DHX38: variants seen among roughly 807,000 people sequenced by gnomAD.
DHX38 encodes the protein pre-mRNA-splicing factor ATP-dependent RNA helicase PRP16.
DHX38 carries 100 observed loss-of-function variants against 153.1 expected under a neutral mutation model. The observed-to-expected ratio is 0.65, with a 90% CI of 0.56 to 0.77. The LOEUF is 0.77. Ranked by LOEUF, DHX38 falls within the 30% of genes least tolerant of loss-of-function variation. The probability of loss-of-function intolerance (pLI) is 0.00; values close to 1 mark genes in which losing one functional copy is unlikely to be tolerated. For synonymous variants in DHX38, 650 were observed against 631.7 expected (o/e 1.03, Z -0.43); for missense variants, 1,440 against 1,654.0 (o/e 0.87, Z 2.24).
chr16:72,101,631 C>A lies in DHX38; in HGVS notation c.1499+19C>A. ...ACTACAGGTGGGCAGCCTCAGCCAG[C>A]AGCACATCAGCCTTGCTCCAAAGAT... On this transcript the variant is annotated intron_variant, in intron 11 of 26. Coordinates refer to ENST00000268482, the MANE Select transcript of DHX38 (RefSeq NM_014003.4). 1 of 1,544,986 alleles carries A rather than the reference C, an allele frequency of 6.5e-7. No homozygotes were observed. Among genetic ancestry groups the A allele is most frequent in the Non-Finnish European group, 8.8e-7 (1 of 1,141,496 alleles).
At chr16:72,103,440 TATCTC>T (rs1427767674) in intron 12 of DHX38, among the ~76,000 whole-genome samples, 157 bp from the exon 13 acceptor site, 1 of 152,250 alleles carries the variant, frequency 6.6e-6, no homozygotes, top group Non-Finnish European at 1.5e-5. Flanking sequence ...TTTCAGGTGT[TATCTC>T]AGTAAGAGGC....
chr16:72,104,397 G>A lies in DHX38; in HGVS notation c.2011-89G>A. ...TAGGCCCATTTGTCAGCTTTGGCTT[G>A]TGTTTCCTCGGGGGTGGTGCTGATG... On this transcript the variant is annotated intron_variant, in intron 14 of 26. Coordinates refer to ENST00000268482, the MANE Select transcript of DHX38 (RefSeq NM_014003.4). The surrounding 1 kb of genome is among the most constrained non-coding windows in gnomAD (Gnocchi z 4.5). 2 of 1,549,160 alleles carry A rather than the reference G, an allele frequency of 1.3e-6. No individual in the cohort carries two copies. The highest frequency in any genetic ancestry group is 1.8e-5 in the Admixed American group (1 of 54,236).
chr16:72,109,655 C>A, intron 25 of DHX38, 145 bp downstream of exon 25: 1 of 706,338 alleles, frequency 1.4e-6, no homozygotes, highest in Non-Finnish European at 2.1e-6. Flanking sequence ...CTGGGTCTGT[C>A]TGATTCCCCA....
Position 72,096,835 on chromosome 16 carries a change from G to A in DHX38, c.337G>A (p.Ala113Thr), listed in dbSNP as rs775810927. Residue 113 changes from alanine (A) to threonine (T), a missense_variant, in exon 3 of 27, where the codon GCT (alanine) becomes ACT (threonine). By Grantham distance (58) the Ala-to-Thr change is moderately conservative. Around this residue, in one of 6 missense-constraint regions of DHX38, gnomAD observed 483 missense variants for 465.1 expected, o/e 1.04. Transcript: ENST00000268482. ...NIRKDRHYRS[A>T]RVETPSHPGG... ...TCCCTGTTTCAGACATTATCGGTCT[G>A]CTCGGGTAGAGACTCCATCCCATCC... 1.2e-6 allele frequency: 2 copies of A among 1,613,372 alleles called. No individual in the cohort carries two copies. Among genetic ancestry groups the A allele is most frequent in the Non-Finnish European group, 1.7e-6 (2 of 1,179,696 alleles).
In DHX38 at chr16:72,112,745, G is replaced by T; in HGVS notation, c.*248G>T. Reference sequence around the variant, plus strand: ...GGTGCTGCCGGGGCAGCGGGAGGTGGCTGGACCCATCGCATCTAAAACTGG... The same window carrying T: ...GGTGCTGCCGGGGCAGCGGGAGGTGTCTGGACCCATCGCATCTAAAACTGG... On this transcript the variant is annotated 3_prime_UTR_variant, in exon 27 of 27. Transcript: ENST00000268482. 1.4e-6 allele frequency: 1 copy of T among 703,686 alleles called. No individual in the cohort carries two copies. Among genetic ancestry groups the T allele is most frequent in the Non-Finnish European group, 2.6e-6 (1 of 385,748 alleles). 43.6% of individuals were successfully genotyped at this position (703,686 alleles called of 1,614,324 possible). A position where few individuals can be genotyped will look rare whatever the true frequency, so the allele number is the denominator to read the frequency against.
intron 2 of DHX38, 51 bp downstream of exon 2, chr16:72,096,531 A>G: frequency 6.6e-7 from 1 of 1,517,714 alleles, no homozygotes; most frequent in Non-Finnish European, 8.8e-7. Context: ...GGAGGCTGGA[A>G]AATAACAGCT....
intron 26 of DHX38, 57 bp from the exon 27 acceptor site, chr16:72,112,356 C>T: frequency 6.4e-7 from 1 of 1,557,438 alleles, no homozygotes; most frequent in Non-Finnish European, 8.8e-7. Context: ...ATCCTCCTGC[C>T]CTCCTGGCTG....
At position 72,107,328 on chromosome 16, in the gene DHX38, T is replaced by G; in HGVS notation, c.2601-12T>G. On this transcript the variant is annotated splice_polypyrimidine_tract_variant and intron_variant, in intron 19 of 26. Transcript: ENST00000268482. This position sits in a 1 kb window ranked among gnomAD's most constrained non-coding sequence, Gnocchi z 5.3. ...TCCTTGTGGTGAGAAGATGGGGTCTTCTCCCCGGCAGGCTCTACACCCAGA... is the reference window on the plus strand; with the variant it reads ...TCCTTGTGGTGAGAAGATGGGGTCTGCTCCCCGGCAGGCTCTACACCCAGA... 2 of 1,599,382 alleles carry G rather than the reference T, an allele frequency of 1.3e-6. No individual in the cohort carries two copies. The highest frequency in any genetic ancestry group is 1.7e-6 in the Non-Finnish European group (2 of 1,176,834).
At position 72,105,305 on chromosome 16, in the gene DHX38, A is replaced by G; in HGVS notation, c.2336A>G (p.Tyr779Cys). Residue 779 changes from tyrosine (Y) to cysteine (C), a missense_variant, in exon 17 of 27, where the codon TAC becomes TGC. Tyr to Cys is a radical substitution (Grantham distance 194, BLOSUM62 -2). Around this residue, in one of 6 missense-constraint regions of DHX38, gnomAD observed 543 missense variants for 717.9 expected, o/e 0.76. Transcript: ENST00000268482. ...NAPALAVLPI[Y>C]SQLPSDLQAK... ...CCTGCCCTGGCTGTGCTGCCCATCT[A>G]CTCTCAGCTGCCTTCTGACCTCCAG... The G allele has an allele frequency of 6.2e-7, 1 of 1,613,742 alleles. No individual in the cohort carries two copies. The highest frequency in any genetic ancestry group is 8.5e-7 in the Non-Finnish European group (1 of 1,179,940).
intron 3 of DHX38, chr16:72,097,272 T>G: frequency 4.8e-6 from 2 of 420,438 alleles, no homozygotes; most frequent in Non-Finnish European, 8.5e-6. Flanking sequence ...TGGGTAAATA[T>G]GTATAAGAGA....
chr16:72,103,956 C>G lies in DHX38; in HGVS notation c.1835C>G (p.Ala612Gly). Reference protein sequence around the residue: ...GGNLGEEVGYAIRFEDCTSEN... With the variant: ...GGNLGEEVGYGIRFEDCTSEN... ...CTCTCTGACCTCCAGGTGGGCTATG[C>G]CATCCGCTTTGAAGACTGCACTTCA... The change falls in exon 14 of 27, where the codon GCC becomes GGC. Residue 612 changes from alanine to glycine, a missense_variant. This residue lies in a region of DHX38 where 241 missense variants were observed against 229.5 expected (regional missense o/e 1.05). Transcript: ENST00000268482. 1 of 1,614,014 alleles carries G rather than the reference C, an allele frequency of 6.2e-7. No individual in the cohort carries two copies. The highest frequency in any genetic ancestry group is 1.1e-5 in the South Asian group (1 of 91,074).
At position 72,105,081 on chromosome 16, in the gene DHX38, CT is replaced by C; in HGVS notation, c.2207del (p.Leu736ArgfsTer20). 2 of 1,614,228 alleles carry C rather than the reference CT, an allele frequency of 1.2e-6. No individual in the cohort carries two copies. Among genetic ancestry groups the C allele is most frequent in the African/African-American group, 2.7e-5 (2 of 75,052 alleles). Reference protein sequence around the residue: ...AAVKQSLQVHLSGAPGDILIF... With the variant: ...AAVKQSLQVHXSGAPGDILIF... ...AGTGAAGCAGTCCTTGCAGGTGCACCTGTCGGGGGCCCCTGGAGACATCCTT... is the reference window on the plus strand; with the variant it reads ...AGTGAAGCAGTCCTTGCAGGTGCACCGTCGGGGGCCCCTGGAGACATCCTT... On this transcript the variant is annotated frameshift_variant, in exon 16 of 27. Coordinates refer to ENST00000268482, the MANE Select transcript of DHX38 (RefSeq NM_014003.4). LOFTEE classifies it high-confidence loss of function.
chr16:72,104,966 G>T lies in DHX38; in HGVS notation c.2152-61G>T. Reference sequence around the variant, plus strand: ...CAGTGCCTGGGCCACTGGGCTCCCAGGAGATGCCCGGCCTGCGCTTCTAGT... The same window carrying T: ...CAGTGCCTGGGCCACTGGGCTCCCATGAGATGCCCGGCCTGCGCTTCTAGT... On this transcript the variant is annotated intron_variant, in intron 15 of 26. Transcript: ENST00000268482. The surrounding 1 kb of genome is among the most constrained non-coding windows in gnomAD (Gnocchi z 4.5). 1 of 1,522,494 alleles carries T rather than the reference G, an allele frequency of 6.6e-7. No homozygotes were observed. 94.3% of individuals were successfully genotyped at this position (1,522,494 alleles called of 1,614,324 possible).
chr16:72,100,678 C>T, intron 9 of DHX38, 81 bp downstream of exon 9: 1 of 1,558,166 alleles, frequency 6.4e-7, no homozygotes, highest in Non-Finnish European at 8.7e-7. Context: ...TGCCTGTCAT[C>T]CCGGCACTTT....
intron 7 of DHX38, 30 bp from the exon 8 acceptor site, chr16:72,099,702 C>T: frequency 6.2e-7 from 1 of 1,612,572 alleles, no homozygotes; most frequent in Non-Finnish European, 8.5e-7. Context: ...ATCTGTCCCT[C>T]ACTCCCTTGC....
intron 11 of DHX38, 37 bp from the exon 12 acceptor site, chr16:72,103,037 C>T: frequency 1.2e-6 from 2 of 1,608,372 alleles, no homozygotes; most frequent in Non-Finnish European, 1.7e-6. Context: ...CAGCATGGGG[C>T]ACCATGCAGG....
At position 72,099,225 on chromosome 16, in the gene DHX38, A is replaced by G. The variant is rs553701925; in HGVS notation, c.905A>G (p.Glu302Gly). The change falls in exon 7 of 27, where the codon GAA becomes GGA. Residue 302 changes from glutamate to glycine, a missense_variant. By Grantham distance (98) the Glu-to-Gly change is moderately conservative. Around this residue, in one of 6 missense-constraint regions of DHX38, gnomAD observed 483 missense variants for 465.1 expected, o/e 1.04. Transcript: ENST00000268482. Reference protein sequence around the residue: ...RGRGRREEGEEGISFDTEEER... With the variant: ...RGRGRREEGEGGISFDTEEER... ...CCAGGAAGACGTGAGGAGGGCGAAG[A>G]AGGAATTTCATTTGACACGGAGGAG... The G allele has an allele frequency of 3.7e-6, 6 of 1,612,592 alleles. No individual in the cohort carries two copies. Among genetic ancestry groups the G allele is most frequent in the Admixed American group, 3.3e-5 (2 of 59,912 alleles).
At chr16:72,106,976 A>T (rs376753549) in intron 19 of DHX38, among the ~76,000 whole-genome samples, 2 of 152,100 alleles carry the variant, frequency 1.3e-5, no homozygotes, top group African/African-American at 4.8e-5. Flanking sequence ...TGAGACCACC[A>T]TGGCCAATAT....
In DHX38 at chr16:72,096,326, C is replaced by T. The variant is rs537729839; in HGVS notation, c.169C>T (p.Leu57=). 16 of 1,614,180 alleles carry T rather than the reference C, an allele frequency of 9.9e-6. No homozygotes were observed. In the African/African-American group the frequency reaches 1.2e-4, roughly 12 times the overall value. Residue 57 remains leucine (L), a synonymous_variant, in exon 2 of 27, where the codon CTG becomes TTG. Coordinates refer to ENST00000268482, the MANE Select transcript of DHX38 (RefSeq NM_014003.4). ...SLLGLDLLAS[L]KRREREEKDD... ...ACTCGGACTGGACTTGCTGGCTTCC[C>T]TGAAACGGAGAGAGCGAGAGGAGAA...
Sources: allele counts gnomAD v4.1 joint callset (sites outside exome capture counted in the v4.1 genomes callset), GRCh38; gene constraint gnomAD v4.1.1; regional missense constraint gnomAD v4.1.1; non-coding constraint Gnocchi (gnomAD v3.1); transcripts MANE v1.5; gene names NCBI Gene and HGNC (gene_info 2026-07-23, HGNC 2026-07-21).